SKAP1: variants seen among roughly 807,000 people sequenced by gnomAD.
SKAP1 encodes src kinase-associated phosphoprotein 1.
In SKAP1, 44 loss-of-function variants were observed where a neutral mutation model predicts 58.5. The ratio of observed to expected loss-of-function variants is 0.75; its 90% CI spans 0.59 to 0.97. SKAP1 has a LOEUF of 0.97. Ranked by LOEUF, SKAP1 falls within the 50% of genes least tolerant of loss-of-function variation. The pLI is 0.00. For synonymous variants in SKAP1, 127 were observed against 149.7 expected (o/e 0.85, Z 1.11); for missense variants, 390 against 435.2 (o/e 0.90, Z 0.92).
intron 4 of SKAP1, among the ~76,000 whole-genome samples, chr17:48,242,589 ATT>A (rs922176203): frequency 4.6e-4 from 70 of 152,284 alleles, no homozygotes; most frequent in Admixed American, 3.8e-3. Context: ...TCCATTTTTT[ATT>A]TCCCACCTTG....
chr17:48,257,792 T>A (rs1363098794), intron 4 of SKAP1, among the ~76,000 whole-genome samples: 1 of 152,014 alleles, frequency 6.6e-6, no homozygotes, highest in Non-Finnish European at 1.5e-5. Flanking sequence ...CTATAAGTTA[T>A]TAGTCTTTTA....
chr17:48,288,807 G>C (rs771193028), intron 4 of SKAP1, among the ~76,000 whole-genome samples: 1 of 152,126 alleles, frequency 6.6e-6, no homozygotes, highest in Non-Finnish European at 1.5e-5. Context: ...GAAATGCTGG[G>C]AAATAGCACA....
At chr17:48,158,274 C>T (rs949885498) in intron 11 of SKAP1, among the ~76,000 whole-genome samples, 1 of 150,002 alleles carries the variant, frequency 6.7e-6, no homozygotes, top group African/African-American at 2.5e-5. Context: ...GGGCCGGTTG[C>T]GCTGGCTCAC....
intron 4 of SKAP1, among the ~76,000 whole-genome samples, chr17:48,222,720 C>A (rs973796482): frequency 1.3e-5 from 2 of 151,330 alleles, no homozygotes; most frequent in Admixed American, 6.6e-5. Context: ...CCTCATGATA[C>A]GCCCACCTCG....
intron 9 of SKAP1, among the ~76,000 whole-genome samples, chr17:48,174,295 A>C (rs1567805732): frequency 6.6e-6 from 1 of 152,228 alleles, no homozygotes. Context: ...AGTAGGCTCA[A>C]ATCAAGAAGC....
intron 1 of SKAP1, among the ~76,000 whole-genome samples, chr17:48,405,223 TTTA>T (rs2067554739): frequency 6.6e-6 from 1 of 152,170 alleles, no homozygotes; most frequent in South Asian, 2.1e-4. Flanking sequence ...AGTAGCCTCA[TTTA>T]AAAAGTACTA....
At chr17:48,261,415 A>T (rs1016197915) in intron 4 of SKAP1, among the ~76,000 whole-genome samples, 1 of 152,114 alleles carries the variant, frequency 6.6e-6, no homozygotes, top group African/African-American at 2.4e-5. Context: ...CTACAGGGTT[A>T]GTTTGGTTGC....
chr17:48,342,696 G>T (rs551060340), intron 4 of SKAP1, among the ~76,000 whole-genome samples: 1 of 152,140 alleles, frequency 6.6e-6, no homozygotes, highest in Non-Finnish European at 1.5e-5. Context: ...CAAAATTCGA[G>T]AAGCCTAAAA....
intron 1 of SKAP1, among the ~76,000 whole-genome samples, chr17:48,419,736 G>T (rs2067773039): frequency 1.3e-5 from 2 of 151,104 alleles, no homozygotes; most frequent in Admixed American, 1.3e-4. Flanking sequence ...TACAATATTG[G>T]TTTAACTAAG....
intron 4 of SKAP1, among the ~76,000 whole-genome samples, chr17:48,232,262 C>T (rs567366526): frequency 6.6e-6 from 1 of 152,338 alleles, no homozygotes; most frequent in Non-Finnish European, 1.5e-5. Flanking sequence ...CCATTTTAGA[C>T]TTCTTTCCAT....
chr17:48,357,743 AC>A (rs746494831), intron 3 of SKAP1, among the ~76,000 whole-genome samples: 35 of 152,180 alleles, frequency 2.3e-4, no homozygotes, highest in Admixed American at 8.5e-4. Flanking sequence ...TAAAAAAACC[AC>A]CCTACCAGTA....
At chr17:48,313,397 A>G (rs1478008291) in intron 4 of SKAP1, among the ~76,000 whole-genome samples, 1 of 152,158 alleles carries the variant, frequency 6.6e-6, no homozygotes, top group East Asian at 1.9e-4. Flanking sequence ...AAGTTCTGAT[A>G]TCCAATTTTT....
chr17:48,242,011 GGTTGA>G (rs758562186), intron 4 of SKAP1, among the ~76,000 whole-genome samples: 3 of 152,278 alleles, frequency 2.0e-5, no homozygotes, highest in Admixed American at 6.5e-5. Flanking sequence ...GGGTTAATGA[GGTTGA>G]GTTAAGACAG....
intron 2 of SKAP1, among the ~76,000 whole-genome samples, chr17:48,391,520 T>C (rs1401900937): frequency 6.6e-6 from 1 of 152,214 alleles, no homozygotes; most frequent in Non-Finnish European, 1.5e-5. Flanking sequence ...CAAAACTCTT[T>C]AACTCAGTTG....
At chr17:48,199,556 A>G (rs1235941561) in intron 4 of SKAP1, among the ~76,000 whole-genome samples, 1 of 152,162 alleles carries the variant, frequency 6.6e-6, no homozygotes, top group Non-Finnish European at 1.5e-5. Flanking sequence ...GTAAAATTAT[A>G]TACTCCCTCT....
At chr17:48,170,497 C>A in intron 10 of SKAP1, 112 bp downstream of exon 10, 2 of 902,078 alleles carry the variant, frequency 2.2e-6, no homozygotes, top group Non-Finnish European at 3.7e-6. Flanking sequence ...CACACAGGTA[C>A]CCTCTTAATT....
At chr17:48,358,798 C>G (rs1021330331) in intron 3 of SKAP1, among the ~76,000 whole-genome samples, 2 of 152,132 alleles carry the variant, frequency 1.3e-5, no homozygotes, top group Admixed American at 1.3e-4. Flanking sequence ...CTCATTAAAA[C>G]TCATTACAAC....
chr17:48,418,598 A>G (rs1567907377), intron 1 of SKAP1, among the ~76,000 whole-genome samples: 1 of 152,190 alleles, frequency 6.6e-6, no homozygotes, highest in Non-Finnish European at 1.5e-5. Flanking sequence ...TCCTAGATAT[A>G]TTTATCCAAG....
At chr17:48,200,974 G>A (rs1341933779) in intron 4 of SKAP1, among the ~76,000 whole-genome samples, 2 of 152,152 alleles carry the variant, frequency 1.3e-5, no homozygotes, top group African/African-American at 4.8e-5. Flanking sequence ...ATCTAGGAAT[G>A]CAATATGGAA....
Sources: gnomAD v4.1 joint callset for allele counts (sites outside exome capture counted in the v4.1 genomes callset) on GRCh38, gnomAD v4.1.1 for gene constraint, MANE v1.5 for transcripts, NCBI Gene and HGNC (gene_info 2026-07-23, HGNC 2026-07-21) for gene names.